FOXP1: variants seen among roughly 807,000 people sequenced by gnomAD.
FOXP1 encodes the protein forkhead box protein P1.
Under a neutral mutation model 98.2 loss-of-function variants are expected in FOXP1, and 15 were observed. That is an observed-to-expected ratio of 0.15 (90% CI 0.10 to 0.24). The LOEUF (loss-of-function observed/expected upper bound fraction) is 0.24, where lower values mean the gene tolerates loss of function less well. FOXP1 is among the 10% of genes least tolerant of loss of function. FOXP1 has a pLI of 1.00. For synonymous variants in FOXP1, 371 were observed against 314.5 expected (o/e 1.18, Z -1.90); for missense variants, 633 against 848.5 (o/e 0.75, Z 3.15).
intron 13 of FOXP1, among the ~76,000 whole-genome samples, chr3:70,996,244 A>G (rs900494013): frequency 9.2e-5 from 14 of 152,184 alleles, no homozygotes; most frequent in Admixed American, 3.9e-4. Flanking sequence ...TCAGCCTTCC[A>G]AAGTGCTGGT....
At chr3:71,116,416 C>T (rs551842934) in intron 6 of FOXP1, among the ~76,000 whole-genome samples, 15 of 152,244 alleles carry the variant, frequency 9.9e-5, no homozygotes, top group South Asian at 8.3e-4. Flanking sequence ...GAGAACACCA[C>T]GAGATAAAGA....
intron 4 of FOXP1, among the ~76,000 whole-genome samples, chr3:71,327,233 G>A (rs999346544): frequency 6.6e-6 from 1 of 151,542 alleles, no homozygotes; most frequent in Admixed American, 6.6e-5. Flanking sequence ...ATGGATCAAT[G>A]AGGGAAATGG....
At chr3:71,571,509 A>G (rs2047339553) in intron 2 of FOXP1, 1 of 152,218 alleles carries the variant, frequency 6.6e-6, no homozygotes, top group African/African-American at 2.4e-5. Flanking sequence ...TTCTTAATAA[A>G]ATGTCAGTAC....
intron 12 of FOXP1, among the ~76,000 whole-genome samples, chr3:71,003,921 T>C (rs1447996800): frequency 6.6e-6 from 1 of 152,050 alleles, no homozygotes; most frequent in Non-Finnish European, 1.5e-5. Context: ...TAGGTCACTG[T>C]CACTAGGCAT....
intron 2 of FOXP1, among the ~76,000 whole-genome samples, chr3:71,521,595 T>C (rs915395750): frequency 3.3e-5 from 5 of 151,908 alleles, no homozygotes; most frequent in Non-Finnish European, 5.9e-5. Context: ...AAGCCTAAAA[T>C]TGTAAATCAA....
intron 6 of FOXP1, among the ~76,000 whole-genome samples, chr3:71,187,886 G>C (rs1234824882): frequency 6.6e-6 from 1 of 152,112 alleles, no homozygotes; most frequent in Non-Finnish European, 1.5e-5. Context: ...AGGAAAGAAA[G>C]AGCATTATGT....
chr3:71,203,826 A>AC (rs1314389436), intron 5 of FOXP1, among the ~76,000 whole-genome samples: 1 of 152,076 alleles, frequency 6.6e-6, no homozygotes, highest in Non-Finnish European at 1.5e-5. Flanking sequence ...TACACAGTCC[A>AC]CCCCCCATCC....
chr3:71,254,402 T>C (rs902594115), intron 5 of FOXP1, among the ~76,000 whole-genome samples: 1 of 152,196 alleles, frequency 6.6e-6, no homozygotes, highest in Non-Finnish European at 1.5e-5. Context: ...CATGGAGGTA[T>C]TGTGGACCGG....
chr3:71,487,727 A>G (rs2090761403), intron 3 of FOXP1, among the ~76,000 whole-genome samples: 2 of 152,236 alleles, frequency 1.3e-5, no homozygotes, highest in East Asian at 3.8e-4. Context: ...TGTGAACGAA[A>G]GTCTGCCCAA....
At chr3:71,440,465 C>G (rs1393916541) in intron 3 of FOXP1, among the ~76,000 whole-genome samples, 1 of 152,002 alleles carries the variant, frequency 6.6e-6, no homozygotes, top group Non-Finnish European at 1.5e-5. Context: ...ATCACGAGGT[C>G]AGGAGTTCAA....
chr3:71,035,892 T>C (rs972712263), intron 11 of FOXP1, among the ~76,000 whole-genome samples: 3 of 152,260 alleles, frequency 2.0e-5, no homozygotes, highest in East Asian at 1.9e-4. Flanking sequence ...CTTGTGTATC[T>C]GGAACAGTTC....
intron 12 of FOXP1, among the ~76,000 whole-genome samples, chr3:71,014,231 G>A (rs1248466902): frequency 6.6e-6 from 1 of 152,104 alleles, no homozygotes; most frequent in East Asian, 1.9e-4. Context: ...TACAGAATGG[G>A]AGAAAATTTT....
chr3:71,239,881 G>A (rs556502337), intron 5 of FOXP1, among the ~76,000 whole-genome samples: 2 of 152,304 alleles, frequency 1.3e-5, no homozygotes, highest in East Asian at 3.9e-4. Flanking sequence ...CAGGCTGAGT[G>A]AGCCCTATGT....
At chr3:71,085,650 G>A (rs149503046) in intron 7 of FOXP1, among the ~76,000 whole-genome samples, 10 of 151,126 alleles carry the variant, frequency 6.6e-5, no homozygotes, top group East Asian at 3.9e-4. Flanking sequence ...TTCGTTAAGC[G>A]TATGTCACAT....
chr3:71,577,851 G>C (rs900854963), intron 2 of FOXP1, among the ~76,000 whole-genome samples: 2 of 151,960 alleles, frequency 1.3e-5, no homozygotes, highest in African/African-American at 4.8e-5. Flanking sequence ...AAGTTCACCT[G>C]TCTATTCAGC....
intron 5 of FOXP1, among the ~76,000 whole-genome samples, chr3:71,238,165 G>C (rs1237787889): frequency 6.6e-6 from 1 of 152,216 alleles, no homozygotes; most frequent in Non-Finnish European, 1.5e-5. Context: ...GATTAGCGGG[G>C]ACCATGCAGT....
chr3:71,047,144 G>A (rs2106978893), intron 9 of FOXP1, 49 bp from the exon 10 acceptor site: 2 of 1,609,574 alleles, frequency 1.2e-6, no homozygotes, highest in Non-Finnish European at 1.7e-6. Context: ...CCCAAGGAAG[G>A]TTAAAAGTAT....
intron 5 of FOXP1, among the ~76,000 whole-genome samples, chr3:71,213,333 G>C (rs938264377): frequency 1.3e-5 from 2 of 152,154 alleles, no homozygotes; most frequent in Non-Finnish European, 2.9e-5. Context: ...TTTACATTCA[G>C]CAGAATTTTA....
At chr3:71,469,464 T>C (rs1465219885) in intron 3 of FOXP1, among the ~76,000 whole-genome samples, 3 of 152,230 alleles carry the variant, frequency 2.0e-5, no homozygotes, top group Non-Finnish European at 2.9e-5. Context: ...AAAGCCAGTC[T>C]TCCCTCAAAC....
Sources: allele counts gnomAD v4.1 joint callset (sites outside exome capture counted in the v4.1 genomes callset), GRCh38; gene constraint gnomAD v4.1.1; transcripts MANE v1.5; gene names NCBI Gene and HGNC (gene_info 2026-07-23, HGNC 2026-07-21).